The following OPCML variants were observed in gnomAD, a reference collection of about 807,000 sequenced individuals.
The protein encoded by OPCML is opioid binding protein/cell adhesion molecule like, also known as opioid-binding protein/cell adhesion molecule.
In OPCML, 13 loss-of-function variants were observed where a neutral mutation model predicts 37.8. That is an observed-to-expected ratio of 0.34 (90% CI 0.22 to 0.55). The LOEUF (loss-of-function observed/expected upper bound fraction) is 0.55, where lower values mean the gene tolerates loss of function less well. OPCML is among the 20% of genes least tolerant of loss of function. The probability of loss-of-function intolerance (pLI) is 0.91; values close to 1 mark genes in which losing one functional copy is unlikely to be tolerated. For missense variants in OPCML, 341 were observed against 435.6 expected (o/e 0.78, Z 1.93); for synonymous variants, 176 against 168.8 (o/e 1.04, Z -0.33).
chr11:133,487,578 C>A (rs1158354971), intron 1 of OPCML, among the ~76,000 whole-genome samples: 2 of 152,066 alleles, frequency 1.3e-5, no homozygotes, highest in East Asian at 1.9e-4. Context: ...CCTTTGTTTT[C>A]TTTTATTCAT....
intron 1 of OPCML, among the ~76,000 whole-genome samples, chr11:133,039,033 C>T (rs962541528): frequency 6.6e-6 from 1 of 152,210 alleles, no homozygotes; most frequent in Non-Finnish European, 1.5e-5. Context: ...CAAATGCCCC[C>T]ATTCCCACTT....
chr11:132,527,904 G>T (rs1203290670), intron 4 of OPCML, among the ~76,000 whole-genome samples: 1 of 147,962 alleles, frequency 6.8e-6, no homozygotes, highest in Non-Finnish European at 1.5e-5. Flanking sequence ...AGAGGGCCAT[G>T]TGAAGATGAA....
chr11:133,070,338 C>T (rs1016422397), intron 1 of OPCML, among the ~76,000 whole-genome samples: 1 of 152,232 alleles, frequency 6.6e-6, no homozygotes, highest in Non-Finnish European at 1.5e-5. Flanking sequence ...CACTGCTTGT[C>T]CCTGTTCTGT....
chr11:132,952,356 A>C (rs1038302976), intron 1 of OPCML, among the ~76,000 whole-genome samples: 2 of 152,202 alleles, frequency 1.3e-5, no homozygotes, highest in Non-Finnish European at 2.9e-5. Flanking sequence ...AGAACACAAC[A>C]CTTTGGATGA....
At chr11:132,748,020 T>C (rs1249530638) in intron 2 of OPCML, among the ~76,000 whole-genome samples, 1 of 152,092 alleles carries the variant, frequency 6.6e-6, no homozygotes, top group Non-Finnish European at 1.5e-5. Context: ...GATTCTTTTA[T>C]TTTAGCCATT....
intron 4 of OPCML, among the ~76,000 whole-genome samples, chr11:132,482,117 TAATG>T (rs1310549063): frequency 1.0e-3 from 151 of 149,310 alleles, no homozygotes; most frequent in Non-Finnish European, 2.0e-3. Context: ...TTCAAAAAAT[TAATG>T]AATCCAGGAG....
chr11:133,294,153 T>C (rs563233096), intron 1 of OPCML, among the ~76,000 whole-genome samples: 12 of 100,840 alleles, frequency 1.2e-4, no homozygotes, highest in Non-Finnish European at 1.9e-4. Flanking sequence ...TGTGGTACCA[T>C]AGCTTTAGAC....
chr11:132,508,931 T>C (rs1033953250), intron 4 of OPCML, among the ~76,000 whole-genome samples: 5 of 152,204 alleles, frequency 3.3e-5, no homozygotes, highest in Non-Finnish European at 5.9e-5. Context: ...TGTAACTGGG[T>C]AACAGGCAGA....
At chr11:132,515,117 G>T (rs2096276900) in intron 4 of OPCML, among the ~76,000 whole-genome samples, 1 of 152,050 alleles carries the variant, frequency 6.6e-6, no homozygotes, top group South Asian at 2.1e-4. Flanking sequence ...GAAAAGCAGG[G>T]GACTAGTGGC....
chr11:132,529,009 C>A, intron 4 of OPCML, 52 bp downstream of exon 4: 4 of 1,155,004 alleles, frequency 3.5e-6, no homozygotes, highest in Non-Finnish European at 5.1e-6. Flanking sequence ...TGCATAAGAG[C>A]CAAGACTTTA....
chr11:132,557,190 C>T (rs913853116), intron 3 of OPCML, among the ~76,000 whole-genome samples: 1 of 152,088 alleles, frequency 6.6e-6, no homozygotes, highest in Non-Finnish European at 1.5e-5. Flanking sequence ...AAATACAGTG[C>T]TCAGGGAAAG....
At chr11:133,236,825 C>A (rs1311971926) in intron 1 of OPCML, among the ~76,000 whole-genome samples, 1 of 152,164 alleles carries the variant, frequency 6.6e-6, no homozygotes, top group East Asian at 1.9e-4. Flanking sequence ...TTCTAAGTTG[C>A]TAGCCAGTCA....
chr11:132,806,908 CAA>C (rs1288480013), intron 2 of OPCML, among the ~76,000 whole-genome samples: 1 of 151,926 alleles, frequency 6.6e-6, no homozygotes, highest in Non-Finnish European at 1.5e-5. Flanking sequence ...TTACAAGCAA[CAA>C]AAAAGCACAC....
At chr11:133,216,876 G>A (rs1939606389) in intron 1 of OPCML, among the ~76,000 whole-genome samples, 2 of 151,976 alleles carry the variant, frequency 1.3e-5, no homozygotes, top group African/African-American at 4.8e-5. Flanking sequence ...ATTTGTATGG[G>A]TATAAAGGAA....
chr11:133,038,273 T>C (rs1947819765), intron 1 of OPCML, among the ~76,000 whole-genome samples: 1 of 152,216 alleles, frequency 6.6e-6, no homozygotes, highest in African/African-American at 2.4e-5. Context: ...TCTTAGTGTC[T>C]CTCTGGGGCT....
chr11:133,079,401 G>C (rs141377985), intron 1 of OPCML, among the ~76,000 whole-genome samples: 1 of 151,952 alleles, frequency 6.6e-6, no homozygotes. Flanking sequence ...TGGAGTAGAT[G>C]GTGCTTCAGA....
At chr11:133,414,325 G>C (rs1028026315) in intron 1 of OPCML, among the ~76,000 whole-genome samples, 1 of 152,030 alleles carries the variant, frequency 6.6e-6, no homozygotes, top group Non-Finnish European at 1.5e-5. Flanking sequence ...CACCTTACTG[G>C]CTTTTTTGAA....
intron 1 of OPCML, among the ~76,000 whole-genome samples, chr11:133,303,769 G>A (rs1276430172): frequency 1.3e-5 from 2 of 149,272 alleles, no homozygotes; most frequent in Non-Finnish European, 3.0e-5. Flanking sequence ...GAGAACTCCA[G>A]AAAGTTTGTA....
intron 1 of OPCML, among the ~76,000 whole-genome samples, chr11:133,186,184 A>T (rs549875568): frequency 6.6e-6 from 1 of 152,328 alleles, no homozygotes; most frequent in South Asian, 2.1e-4. Flanking sequence ...AGGGAAGGCG[A>T]ATCTCTTACC....
Sources: allele counts gnomAD v4.1 joint callset (sites outside exome capture counted in the v4.1 genomes callset), GRCh38; gene constraint gnomAD v4.1.1; transcripts MANE v1.5; gene names NCBI Gene and HGNC (gene_info 2026-07-23, HGNC 2026-07-21).